Variants in SYTL5 observed in about 807,000 individuals in gnomAD.
The protein encoded by SYTL5 is synaptotagmin like 5.
Under a neutral mutation model 55.9 loss-of-function variants are expected in SYTL5, and 34 were observed. That is an observed-to-expected ratio of 0.61 (90% CI 0.46 to 0.81). The LOEUF is 0.81. SYTL5 is among the 30% of genes least tolerant of loss of function. SYTL5 has a pLI of 0.00. For missense variants in SYTL5, 637 were observed against 546.7 expected (o/e 1.17, Z -1.65); for synonymous variants, 221 against 188.7 (o/e 1.17, Z -1.40).
At chrX:38,024,081 A>G (rs936107741) in intron 1 of SYTL5, 3 of 110,866 alleles carry the variant, frequency 2.7e-5, no homozygotes, top group African/African-American at 6.6e-5. Flanking sequence ...GTTTAACTCT[A>G]CATATCCAAA....
At chrX:37,942,640 C>T in the SYTL5 span, among the ~76,000 whole-genome samples, 2 of 111,608 alleles carry the variant, frequency 1.8e-5, no homozygotes, top group African/African-American at 6.5e-5. Context: ...GCTCTCCTAT[C>T]CTCTTCCCCA....
chrX:38,103,108 TC>T (rs1937122733), intron 10 of SYTL5: 3 of 1,108,635 alleles, frequency 2.7e-6, no homozygotes, highest in Non-Finnish European at 3.6e-6. Flanking sequence ...TTTCAACCTT[TC>T]CTTTTTGTTC....
At chrX:38,121,511 T>C (rs1178855908) in intron 14 of SYTL5, among the ~76,000 whole-genome samples, 1 of 112,180 alleles carries the variant, frequency 8.9e-6, no homozygotes, top group Non-Finnish European at 1.9e-5. Flanking sequence ...ATAAAGGTGC[T>C]GGTTGTGATA....
In SYTL5 at chrX:38,043,890, T is replaced by C. The variant is rs1348405342; in HGVS notation, c.119+9882T>C. On this transcript the variant is annotated intron_variant, in intron 2 of 16. Coordinates refer to ENST00000297875, the MANE Select transcript of SYTL5 (RefSeq NM_138780.3). ...AAGATTTTTCCATATAACATGAATGTGCAACGTGTTTCTTAACTATTTATT... is the reference window on the plus strand; with the variant it reads ...AAGATTTTTCCATATAACATGAATGCGCAACGTGTTTCTTAACTATTTATT... Among the ~76,000 whole-genome samples the C allele has an allele frequency of 2.8e-5, 3 of 108,612 alleles. No individual in the cohort carries two copies. The East Asian group carries it at 8.6e-4, about 31-fold the overall frequency. The allele number at this position is 108,612 out of a possible 115,157, so 94.3% of individuals were successfully genotyped here.
intron 1 of SYTL5, among the ~76,000 whole-genome samples, chrX:38,032,115 G>C (rs1313967483): frequency 2.7e-5 from 3 of 112,063 alleles, no homozygotes; most frequent in Non-Finnish European, 5.6e-5. Flanking sequence ...CTGACCTCAT[G>C]GTTACTGGGA....
the SYTL5 span, among the ~76,000 whole-genome samples, chrX:37,926,827 C>T: frequency 1.1e-3 from 118 of 111,924 alleles, no homozygotes; most frequent in African/African-American, 3.5e-3. Flanking sequence ...TTCTAATCTT[C>T]GTTTCTTTTT....
At chrX:37,980,956 G>T in the SYTL5 span, among the ~76,000 whole-genome samples, 1 of 112,422 alleles carries the variant, frequency 8.9e-6, no homozygotes, top group Non-Finnish European at 1.9e-5. Context: ...CCTATGTTCA[G>T]AAGTGTTCAG....
intron 9 of SYTL5, among the ~76,000 whole-genome samples, chrX:38,097,645 T>C (rs892247262): frequency 1.8e-5 from 2 of 110,422 alleles, no homozygotes; most frequent in Non-Finnish European, 3.8e-5. Flanking sequence ...AATAAATTTG[T>C]AGACAATGCA....
At chrX:38,123,012 C>T (rs1937588893) in intron 15 of SYTL5, among the ~76,000 whole-genome samples, 1 of 112,695 alleles carries the variant, frequency 8.9e-6, no homozygotes, top group African/African-American at 3.2e-5. Context: ...TGATGCCAGA[C>T]CATGAGGTTC....
At chrX:37,958,754 C>T in the SYTL5 span, among the ~76,000 whole-genome samples, 1 of 112,119 alleles carries the variant, frequency 8.9e-6, no homozygotes, top group Non-Finnish European at 1.9e-5. Context: ...CCCGTGAGAT[C>T]AAAACAAGCT....
chrX:37,988,175 G>A, the SYTL5 span, among the ~76,000 whole-genome samples: 1 of 111,735 alleles, frequency 8.9e-6, no homozygotes, highest in South Asian at 3.8e-4. Context: ...ACAGAAGAAG[G>A]AAATGTGACT....
chrX:37,911,621 A>T, the SYTL5 span, among the ~76,000 whole-genome samples: 1 of 111,678 alleles, frequency 9.0e-6, no homozygotes, highest in Admixed American at 9.5e-5. Flanking sequence ...ATTTAATCAC[A>T]CAATTGTTTC....
intron 2 of SYTL5, among the ~76,000 whole-genome samples, chrX:38,040,906 A>T (rs1234549418): frequency 1.8e-5 from 2 of 112,023 alleles, no homozygotes; most frequent in Non-Finnish European, 3.8e-5. Context: ...TGTTCTCTAT[A>T]GTGGTTGTAC....
Position 38,127,030 on chromosome X carries a change from G to T in SYTL5, c.*300G>T. The T allele has an allele frequency of 4.9e-6, 1 of 205,777 alleles. No homozygotes were observed. The highest frequency in any genetic ancestry group is 8.9e-6 in the Non-Finnish European group (1 of 112,579). The allele number at this position is 205,777 out of a possible 1,213,427, so 17.0% of individuals were successfully genotyped here. A position where few individuals can be genotyped will look rare whatever the true frequency, so the allele number is the denominator to read the frequency against. ...TTATGCCATAAAAGAAATGGCACAA[G>T]CCTCCATTTGCTAATTATAAGTTAC... On this transcript the variant is annotated 3_prime_UTR_variant, in exon 17 of 17. Transcript: ENST00000297875.
At chrX:37,890,151 A>AC in the SYTL5 span, among the ~76,000 whole-genome samples, 1 of 110,105 alleles carries the variant, frequency 9.1e-6, no homozygotes. Flanking sequence ...GGATTAAAAA[A>AC]TTTTATTGGG....
chrX:37,990,253 A>G, the SYTL5 span, among the ~76,000 whole-genome samples: 1 of 111,506 alleles, frequency 9.0e-6, no homozygotes, highest in Non-Finnish European at 1.9e-5. Context: ...CAGATATGAA[A>G]TGAACACATG....
At chrX:38,088,662 CATT>C (rs1936717750) in intron 6 of SYTL5, among the ~76,000 whole-genome samples, 2 of 112,263 alleles carry the variant, frequency 1.8e-5, no homozygotes, top group South Asian at 7.4e-4. Flanking sequence ...TACCAAATGT[CATT>C]ATTTTTGTAC....
Position 38,096,219 on chromosome X carries a change from T to C in SYTL5, c.1047T>C (p.Pro349=). 1.7e-6 allele frequency: 2 copies of C among 1,167,509 alleles called. No individual in the cohort carries two copies. The highest frequency in any genetic ancestry group is 1.8e-5 in the South Asian group (1 of 54,388). ...TAAGCATAAGAAGCAAGTCTGTCCC[T>C]GGGGCTTTAGACAAGGTAAGTTGGA... ...DTVSIRSKSV[P]GALDKDSLEE... is the part of the protein sequence containing the mutation. Residue 349 remains proline (P), a synonymous_variant, in exon 9 of 17, where the codon CCT becomes CCC. Coordinates refer to ENST00000297875, the MANE Select transcript of SYTL5 (RefSeq NM_138780.3).
At chrX:37,978,601 A>G in the SYTL5 span, among the ~76,000 whole-genome samples, 2 of 111,913 alleles carry the variant, frequency 1.8e-5, no homozygotes, top group African/African-American at 6.5e-5. Context: ...TTCTTTCCCT[A>G]TTACAAAAGC....
Sources: gnomAD v4.1 joint callset for allele counts (sites outside exome capture counted in the v4.1 genomes callset) on GRCh38, gnomAD v4.1.1 for gene constraint, MANE v1.5 for transcripts, NCBI Gene and HGNC (gene_info 2026-07-23, HGNC 2026-07-21) for gene names.